N4BP2: variants seen among roughly 807,000 people sequenced by gnomAD.
The protein encoded by N4BP2 is NEDD4 binding protein 2, also known as NEDD4-binding protein 2.
A neutral mutation model predicts 152.8 loss-of-function variants in N4BP2; 91 were observed. The observed-to-expected ratio is 0.60, with a 90% CI of 0.50 to 0.71. The LOEUF (loss-of-function observed/expected upper bound fraction) is 0.71. Among genes scored for constraint, N4BP2 ranks in the 30% least tolerant of loss-of-function variants. The pLI is 0.00. For missense variants in N4BP2, 1,923 were observed against 2,059.1 expected (o/e 0.93, Z 1.28); for synonymous variants, 646 against 705.3 (o/e 0.92, Z 1.33).
At chr4:40,175,807 G>GAAAAA in the N4BP2 span, among the ~76,000 whole-genome samples, 1 of 64,000 alleles carries the variant, frequency 1.6e-5, no homozygotes, top group Non-Finnish European at 3.4e-5. Flanking sequence ...CTCGTCTCAA[G>GAAAAA]AAAAAAAAAA....
At chr4:40,130,001 A>C (rs1185188252) in intron 12 of N4BP2, among the ~76,000 whole-genome samples, 1 of 152,128 alleles carries the variant, frequency 6.6e-6, no homozygotes, top group Non-Finnish European at 1.5e-5. Flanking sequence ...TGAATTTTTT[A>C]GTAAGTTTAG....
intron 13 of N4BP2, among the ~76,000 whole-genome samples, chr4:40,136,625 T>G (rs993418609): frequency 2.6e-5 from 4 of 152,186 alleles, no homozygotes; most frequent in African/African-American, 9.7e-5. Flanking sequence ...TGACCTCAAG[T>G]GATCCACCCG....
rs1342444900 is a variant in N4BP2 at position 40,092,700 on chromosome 4, G to A, written c.-114-4527G>A. Among the ~76,000 whole-genome samples the A allele has an allele frequency of 2.0e-5, 3 of 146,448 alleles. No homozygotes were observed. In the Admixed American group the frequency reaches 2.1e-4, roughly 10 times the overall value. On this transcript the variant is annotated intron_variant, in intron 2 of 17. Coordinates refer to ENST00000261435, the MANE Select transcript of N4BP2 (RefSeq NM_018177.6). ...GCTCTGTTGCCCAGGCTGGAGTGCA[G>A]TGACACAATCTCAGCTCACTGCAGC... is the stretch of plus-strand genomic sequence containing the variant.
At chr4:40,113,655 AAGAG>A (rs1360876941) in intron 7 of N4BP2, 147 bp downstream of exon 7, 1 of 681,500 alleles carries the variant, frequency 1.5e-6, no homozygotes, top group African/African-American at 1.8e-5. Flanking sequence ...CAGTTTTATG[AAGAG>A]TTTCTTTGTG....
At chr4:40,172,886 T>C in the N4BP2 span, among the ~76,000 whole-genome samples, 1 of 152,234 alleles carries the variant, frequency 6.6e-6, no homozygotes, top group South Asian at 2.1e-4. Flanking sequence ...AATATTACTG[T>C]TTGTTAAATA....
chr4:40,059,672 A>ATG (rs1451004163), intron 1 of N4BP2, among the ~76,000 whole-genome samples: 33 of 151,454 alleles, frequency 2.2e-4, no homozygotes, highest in African/African-American at 7.8e-4. Flanking sequence ...CTTTTTTGAT[A>ATG]CCTACCTTGC....
chr4:40,105,376 T>A (rs1716165801), intron 4 of N4BP2, among the ~76,000 whole-genome samples: 1 of 151,100 alleles, frequency 6.6e-6, no homozygotes. Context: ...CAGGCTGTTG[T>A]GCAGTGGTGT....
At chr4:40,142,363 C>T in intron 14 of N4BP2, 1 of 305,532 alleles carries the variant, frequency 3.3e-6, no homozygotes, top group Non-Finnish European at 6.3e-6. Flanking sequence ...GTTTTACCTC[C>T]ATTTTGAGAC....
intron 9 of N4BP2, 83 bp from the exon 10 acceptor site, chr4:40,123,044 A>G: frequency 1.3e-6 from 1 of 757,578 alleles, no homozygotes; most frequent in Admixed American, 2.3e-5. Context: ...TAGTTTTGTG[A>G]TGCATAAGGT....
At chr4:40,096,959 A>G (rs1715163814) in intron 2 of N4BP2, among the ~76,000 whole-genome samples, 1 of 152,204 alleles carries the variant, frequency 6.6e-6, no homozygotes, top group African/African-American at 2.4e-5. Context: ...TTCTAATTAT[A>G]TTTATGAAGA....
At chr4:40,172,902 A>G in the N4BP2 span, among the ~76,000 whole-genome samples, 1 of 152,230 alleles carries the variant, frequency 6.6e-6, no homozygotes, top group Non-Finnish European at 1.5e-5. Flanking sequence ...AAATAAACAA[A>G]GGAATGGTTA....
At chr4:40,181,503 CTG>C in the N4BP2 span, among the ~76,000 whole-genome samples, 1 of 152,218 alleles carries the variant, frequency 6.6e-6, no homozygotes, top group South Asian at 2.1e-4. Flanking sequence ...GCAAATGAAA[CTG>C]AGAGGTAGGT....
chr4:40,149,458 G>T (rs1264981119), intron 16 of N4BP2, among the ~76,000 whole-genome samples: 1 of 152,194 alleles, frequency 6.6e-6, no homozygotes, highest in African/African-American at 2.4e-5. Flanking sequence ...ATGAGGCACA[G>T]AATTTCTTTG....
rs1355603153 is a variant in N4BP2, at chr4:40,121,715, G to C, written c.3604G>C (p.Glu1202Gln). The C allele has an allele frequency of 1.9e-6, 3 of 1,614,000 alleles. No individual in the cohort carries two copies. The highest frequency in any genetic ancestry group is 1.7e-5 in the Admixed American group (1 of 59,988). The change falls in exon 9 of 18, where the codon GAG becomes CAG. Residue 1202 changes from glutamate to glutamine, a missense_variant. Transcript: ENST00000261435. ...STCDAERGNS[E>Q]QAEMRAVTPE... Reference sequence around the variant, plus strand: ...TTGTGATGCAGAAAGAGGAAACTCAGAGCAGGCGGAAATGAGAGCTGTCAC... The same window carrying C: ...TTGTGATGCAGAAAGAGGAAACTCACAGCAGGCGGAAATGAGAGCTGTCAC...
intron 12 of N4BP2, among the ~76,000 whole-genome samples, chr4:40,131,580 G>A (rs2110014389): frequency 6.6e-6 from 1 of 152,198 alleles, no homozygotes; most frequent in African/African-American, 2.4e-5. Context: ...GTGTGTGTGT[G>A]TGTATATTTA....
rs1010671443 is a variant in N4BP2 at position 40,157,794 on chromosome 4, G to T, written c.*3557G>T. 6.6e-6 allele frequency: 1 copy of T among 152,088 alleles called. No homozygotes were observed. The highest frequency in any genetic ancestry group is 1.5e-5 in the Non-Finnish European group (1 of 68,004). The allele number at this position is 152,088 out of a possible 1,614,324, so 9.4% of individuals were successfully genotyped here. A position where few individuals can be genotyped will look rare whatever the true frequency, so the allele number is the denominator to read the frequency against. On this transcript the variant is annotated 3_prime_UTR_variant, in exon 18 of 18. Transcript: ENST00000261435. ...AAGGTAAAATAAGTTTATGTAGAAT[G>T]TATGTTCATGGTGCTTATTTTTAAA...
the N4BP2 span, among the ~76,000 whole-genome samples, chr4:40,163,566 A>G: frequency 9.2e-5 from 14 of 152,268 alleles, no homozygotes; most frequent in African/African-American, 3.4e-4. Context: ...ACATAGGAAG[A>G]AATGCATTCT....
At chr4:40,088,420 T>C (rs1282683145) in intron 2 of N4BP2, among the ~76,000 whole-genome samples, 4 of 152,180 alleles carry the variant, frequency 2.6e-5, no homozygotes, top group Non-Finnish European at 5.9e-5. Flanking sequence ...GTGATGTTGT[T>C]TCTTTGAAGT....
intron 10 of N4BP2, 71 bp downstream of exon 10, chr4:40,123,283 A>G (rs1049183371): frequency 1.9e-6 from 2 of 1,032,910 alleles, no homozygotes; most frequent in Non-Finnish European, 3.0e-6. Context: ...AGTGAAATCT[A>G]CCACATAATA....
Sources: allele counts gnomAD v4.1 joint callset (sites outside exome capture counted in the v4.1 genomes callset), GRCh38; gene constraint gnomAD v4.1.1; transcripts MANE v1.5; gene names NCBI Gene and HGNC (gene_info 2026-07-23, HGNC 2026-07-21).